GOLM1: variants seen among roughly 807,000 people sequenced by gnomAD.
GOLM1 encodes the protein golgi membrane protein 1, also known as epididymis luminal protein 46.
GOLM1 carries 31 observed loss-of-function variants against 50.5 expected under a neutral mutation model. The ratio of observed to expected loss-of-function variants is 0.61; its 90% CI spans 0.46 to 0.83. The LOEUF is 0.83. Ranked by LOEUF, GOLM1 falls within the 40% of genes least tolerant of loss-of-function variation. GOLM1 has a pLI of 0.00. For synonymous variants in GOLM1, 178 were observed against 192.8 expected, an observed-to-expected ratio of 0.92 and a Z score of 0.64; for missense variants, 491 against 501.3, an observed-to-expected ratio of 0.98 and a Z score of 0.20.
chr9:86,042,539 G>A lies in GOLM1; in HGVS notation c.468-1671C>T, dbSNP rs575703779. ...GGTGCTATGGAAATAATGCAGTGCC[G>A]AGTTCCTGACCTTGAACAGCTGACA... On this transcript the variant is annotated intron_variant, in intron 5 of 9. Coordinates refer to ENST00000388712, the MANE Select transcript of GOLM1 (RefSeq NM_016548.4). 3.6e-4 allele frequency among the ~76,000 whole-genome samples: 55 copies of A among 152,270 alleles called. 1 individual carries two copies. The highest frequency in any genetic ancestry group is 1.3e-3 in the African/African-American group (53 of 41,546).
chr9:86,044,473 CCA>C lies in GOLM1; in HGVS notation c.467+1995_467+1996del, dbSNP rs1052198571. Among the ~76,000 whole-genome samples the C allele has an allele frequency of 3.9e-4, 60 of 152,234 alleles. 1 individual carries two copies. The highest frequency in any genetic ancestry group is 3.8e-3 in the Admixed American group (58 of 15,300). Reference sequence around the variant, plus strand: ...ACTGATTCTCCCAGGTTGCTGGTGACCACACAGATGGCTCAAATCCTTTCAGA... The same window carrying C: ...ACTGATTCTCCCAGGTTGCTGGTGACCACAGATGGCTCAAATCCTTTCAGA... On this transcript the variant is annotated intron_variant, in intron 5 of 9. Transcript: ENST00000388712.
At chr9:86,079,052 C>A (rs1013608728) in intron 2 of GOLM1, 140 bp downstream of exon 2, 1 of 687,316 alleles carries the variant, frequency 1.5e-6, no homozygotes, top group Admixed American at 3.1e-5. Context: ...GTGTGCAGAG[C>A]CCTAAACTCA....
At chr9:86,093,362 C>T (rs1256822294) in intron 1 of GOLM1, among the ~76,000 whole-genome samples, 4 of 137,496 alleles carry the variant, frequency 2.9e-5, no homozygotes, top group Non-Finnish European at 6.0e-5. Flanking sequence ...AGTGACAGAG[C>T]GAGATTCTGC....
chr9:86,083,653 G>A (rs933706185), intron 1 of GOLM1, among the ~76,000 whole-genome samples: 1 of 152,238 alleles, frequency 6.6e-6, no homozygotes, highest in African/African-American at 2.4e-5. Context: ...CTCCCAAAGT[G>A]CTGGGATTAT....
chr9:86,036,740 G>A, intron 6 of GOLM1: 1 of 526,906 alleles, frequency 1.9e-6, no homozygotes, highest in African/African-American at 1.9e-5. Flanking sequence ...GAATAAAACT[G>A]GGCAGTGATT....
chr9:86,080,214 G>A (rs1195203133), intron 1 of GOLM1: 1 of 152,214 alleles, frequency 6.6e-6, no homozygotes, highest in Non-Finnish European at 1.5e-5. Flanking sequence ...GTGCCTCTGT[G>A]TGAGAGCTAC....
intron 3 of GOLM1, among the ~76,000 whole-genome samples, chr9:86,060,819 G>A (rs544763462): frequency 5.5e-5 from 8 of 144,616 alleles, no homozygotes; most frequent in South Asian, 4.4e-4. Context: ...CAGAGGTTGC[G>A]GTGAGCCGAG....
intron 3 of GOLM1, among the ~76,000 whole-genome samples, chr9:86,076,346 G>A (rs531518928): frequency 3.6e-5 from 5 of 137,860 alleles, no homozygotes; most frequent in Admixed American, 7.8e-5. Context: ...GCTTGAACCC[G>A]GGAAGCAGAG....
intron 3 of GOLM1, among the ~76,000 whole-genome samples, chr9:86,054,439 G>C (rs1450895190): frequency 1.3e-5 from 2 of 152,110 alleles, no homozygotes; most frequent in Non-Finnish European, 2.9e-5. Flanking sequence ...GGCCAGGCTG[G>C]TCTCAAACTT....
chr9:86,068,044 G>A lies in GOLM1; in HGVS notation c.309+9368C>T, dbSNP rs1834355915. Among the ~76,000 whole-genome samples the A allele has an allele frequency of 2.0e-5, 3 of 151,846 alleles. No homozygotes were observed. The South Asian group carries it at 6.2e-4, about 32-fold the overall frequency. On this transcript the variant is annotated intron_variant, in intron 3 of 9. Coordinates refer to ENST00000388712, the MANE Select transcript of GOLM1 (RefSeq NM_016548.4). Reference sequence around the variant, plus strand: ...ATAAATAAATAAATTTAAAAAAAAAGAAACAAGGTCTACGCAGATGTACTT... The same window carrying A: ...ATAAATAAATAAATTTAAAAAAAAAAAAACAAGGTCTACGCAGATGTACTT...
intron 6 of GOLM1, among the ~76,000 whole-genome samples, chr9:86,039,911 T>C (rs556757699): frequency 6.7e-6 from 1 of 148,846 alleles, no homozygotes; most frequent in Admixed American, 6.8e-5. Flanking sequence ...GAGGCTGCAG[T>C]GAGCTGAGAT....
chr9:86,096,433 T>C (rs896624682), intron 1 of GOLM1, among the ~76,000 whole-genome samples: 5 of 152,222 alleles, frequency 3.3e-5, no homozygotes, highest in Non-Finnish European at 7.3e-5. Context: ...TGTAGTTCAA[T>C]GGTCCTTAAA....
chr9:86,030,930 T>C (rs1358604684), intron 9 of GOLM1, among the ~76,000 whole-genome samples: 3 of 152,168 alleles, frequency 2.0e-5, no homozygotes, highest in East Asian at 1.9e-4. Context: ...AAAGAAGGTA[T>C]TGTTAGCCAG....
upstream of GOLM1, chr9:86,100,057 C>T (rs1166793640): frequency 6.6e-6 from 1 of 152,278 alleles, no homozygotes; most frequent in Non-Finnish European, 1.5e-5. Flanking sequence ...GAGGCATTCC[C>T]TGTTGACCAT....
At chr9:86,060,480 C>A (rs146909900) in intron 3 of GOLM1, among the ~76,000 whole-genome samples, 1 of 152,086 alleles carries the variant, frequency 6.6e-6, no homozygotes, top group Non-Finnish European at 1.5e-5. Context: ...AATGGTGGGT[C>A]GCTGGATGCA....
chr9:86,065,516 G>T (rs1812595077), intron 3 of GOLM1, among the ~76,000 whole-genome samples: 1 of 152,150 alleles, frequency 6.6e-6, no homozygotes, highest in Non-Finnish European at 1.5e-5. Flanking sequence ...CACAAGCAAA[G>T]CTGGCCCAGA....
intron 1 of GOLM1, among the ~76,000 whole-genome samples, chr9:86,098,250 AG>A (rs1835411959): frequency 6.6e-6 from 1 of 150,696 alleles, no homozygotes; most frequent in African/African-American, 2.4e-5. Flanking sequence ...CTATTAAGAA[AG>A]AAAGTAATGA....
In GOLM1 at chr9:86,033,807, G is replaced by C. The variant is rs549037063; in HGVS notation, c.1016-412C>G. Among the ~76,000 whole-genome samples, 6 of 152,242 alleles carry C rather than the reference G, an allele frequency of 3.9e-5. No homozygotes were observed. The East Asian group carries it at 9.7e-4, about 25-fold the overall frequency. On this transcript the variant is annotated intron_variant, in intron 8 of 9. Coordinates refer to ENST00000388712, the MANE Select transcript of GOLM1 (RefSeq NM_016548.4). ...GCTGCCACTGTGAGACACGTGAGAA[G>C]GTGTCCCTCATACTTAGAGCATGAG...
At position 86,026,355 on chromosome 9, in the gene GOLM1, G is replaced by GTGAC. The variant is rs1474600972; in HGVS notation, c.*1458_*1461dup. 15 of 985,128 alleles carry GTGAC rather than the reference G, an allele frequency of 1.5e-5. No individual in the cohort carries two copies. The highest frequency in any genetic ancestry group is 1.6e-5 in the Non-Finnish European group (13 of 829,824). 61.0% of individuals were successfully genotyped at this position (985,128 alleles called of 1,614,324 possible). ...TTCTGGGTGGGAAAGTTTAACCTTA[G>GTGAC]TGACTAAGGACATCACATATGAAGA... On this transcript the variant is annotated 3_prime_UTR_variant, in exon 10 of 10. Coordinates refer to ENST00000388712, the MANE Select transcript of GOLM1 (RefSeq NM_016548.4).
Sources: gnomAD v4.1 joint callset for allele counts (sites outside exome capture counted in the v4.1 genomes callset) on GRCh38, gnomAD v4.1.1 for gene constraint, MANE v1.5 for transcripts, NCBI Gene and HGNC (gene_info 2026-07-23, HGNC 2026-07-21) for gene names.